The following PDE4B variants were observed in gnomAD, a reference collection of about 807,000 sequenced individuals.
PDE4B encodes phosphodiesterase 4B.
A neutral mutation model predicts 82.2 loss-of-function variants in PDE4B; 20 were observed. That is an observed-to-expected ratio of 0.24 (90% CI 0.17 to 0.35). The LOEUF (loss-of-function observed/expected upper bound fraction) is 0.35, where lower values mean the gene tolerates loss of function less well. Among genes scored for constraint, PDE4B ranks in the 10% least tolerant of loss-of-function variants. PDE4B has a pLI of 1.00. For synonymous variants in PDE4B, 320 were observed against 318.9 expected (o/e 1.00, Z -0.04); for missense variants, 655 against 907.2 (o/e 0.72, Z 3.57).
intron 3 of PDE4B, among the ~76,000 whole-genome samples, chr1:66,134,089 C>A (rs12063136): frequency 0.017 from 2,510 of 151,016 alleles, 63 homozygotes; most frequent in African/African-American, 0.058. Context: ...AGAGTGGAAT[C>A]TTTTCTAAGA....
intron 3 of PDE4B, among the ~76,000 whole-genome samples, chr1:66,021,919 C>T (rs115953077): frequency 0.021 from 3,215 of 152,280 alleles, 115 homozygotes; most frequent in African/African-American, 0.073. Context: ...GCTATTTTCA[C>T]AGTATTGATA....
At chr1:66,369,975 C>T (rs773586044) in intron 16 of PDE4B, among the ~76,000 whole-genome samples, 19 of 151,694 alleles carry the variant, frequency 1.3e-4, no homozygotes, top group Non-Finnish European at 2.7e-4. Context: ...TGGTGAAACC[C>T]TGTCTCTACC....
At chr1:65,799,555 A>G (rs932189198) in intron 1 of PDE4B, among the ~76,000 whole-genome samples, 1 of 152,184 alleles carries the variant, frequency 6.6e-6, no homozygotes, top group Non-Finnish European at 1.5e-5. Context: ...TTCCTAGGAA[A>G]GACCTCCAGA....
At chr1:66,369,004 C>G (rs1483813421) in intron 16 of PDE4B, 35 bp downstream of exon 16, 1 of 1,518,156 alleles carries the variant, frequency 6.6e-7, no homozygotes, top group South Asian at 1.2e-5. Flanking sequence ...TTTTTGTGAG[C>G]TCTGCTGATT....
intron 3 of PDE4B, among the ~76,000 whole-genome samples, chr1:66,229,023 T>C (rs971987040): frequency 6.6e-6 from 1 of 151,940 alleles, no homozygotes; most frequent in Non-Finnish European, 1.5e-5. Flanking sequence ...GAGGCTTTTT[T>C]TTGAGATGGA....
At chr1:65,901,118 G>A (rs184670808) in intron 1 of PDE4B, among the ~76,000 whole-genome samples, 2 of 151,986 alleles carry the variant, frequency 1.3e-5, no homozygotes, top group Admixed American at 1.3e-4. Context: ...ATTATTTTGA[G>A]GGTATGTTTC....
intron 3 of PDE4B, among the ~76,000 whole-genome samples, chr1:65,937,246 A>G (rs1303284428): frequency 6.6e-6 from 1 of 152,122 alleles, no homozygotes; most frequent in Non-Finnish European, 1.5e-5. Context: ...CACTGTCTCA[A>G]CGTTCACCTC....
intron 3 of PDE4B, among the ~76,000 whole-genome samples, chr1:66,019,507 T>C (rs1056662129): frequency 2.0e-5 from 3 of 151,642 alleles, no homozygotes; most frequent in African/African-American, 7.3e-5. Context: ...AGGTGTGCAT[T>C]GAAATGCCTG....
chr1:65,929,311 G>A (rs899984185), intron 3 of PDE4B, among the ~76,000 whole-genome samples: 3 of 152,190 alleles, frequency 2.0e-5, no homozygotes, highest in Non-Finnish European at 2.9e-5. Flanking sequence ...CACTACTGGG[G>A]ATGGGGAAGC....
chr1:66,272,850 G>A (rs1000784992), intron 7 of PDE4B, among the ~76,000 whole-genome samples: 16 of 141,432 alleles, frequency 1.1e-4, no homozygotes, highest in Non-Finnish European at 1.8e-4. Context: ...GTGCAATGGC[G>A]CACAATCTTG....
intron 3 of PDE4B, among the ~76,000 whole-genome samples, chr1:66,241,737 CT>C (rs201653284): frequency 0.012 from 1,765 of 152,282 alleles, 11 homozygotes; most frequent in Non-Finnish European, 0.019. Flanking sequence ...CACACACACT[CT>C]ATACAGAAAC....
At chr1:66,172,777 CATTAT>C (rs1646861792) in intron 3 of PDE4B, among the ~76,000 whole-genome samples, 1 of 151,070 alleles carries the variant, frequency 6.6e-6, no homozygotes, top group Non-Finnish European at 1.5e-5. Flanking sequence ...CTCATCTTCA[CATTAT>C]GTATTATGTA....
At chr1:66,171,902 G>T (rs972269076) in intron 3 of PDE4B, among the ~76,000 whole-genome samples, 2 of 152,122 alleles carry the variant, frequency 1.3e-5, no homozygotes, top group Admixed American at 1.3e-4. Flanking sequence ...AGTACTTAGC[G>T]CAGGACCTTG....
In PDE4B at chr1:66,361,810, G is replaced by A; in HGVS notation, c.1020+17G>A. 1 of 1,597,660 alleles carries A rather than the reference G, an allele frequency of 6.3e-7. No homozygotes were observed. ...CTGGCCAAGGTGTGTATAAGCTCAG[G>A]TTTTGTGCATGTAGCTCTCTGCTTT... On this transcript the variant is annotated intron_variant, in intron 10 of 16. Coordinates refer to ENST00000341517, the MANE Select transcript of PDE4B (RefSeq NM_002600.4).
chr1:65,966,400 G>A (rs1232657377), intron 3 of PDE4B, among the ~76,000 whole-genome samples: 2 of 152,076 alleles, frequency 1.3e-5, no homozygotes, highest in Admixed American at 6.5e-5. Flanking sequence ...AATAAGAGGG[G>A]ACAAAAACAA....
intron 3 of PDE4B, among the ~76,000 whole-genome samples, chr1:66,038,889 T>A (rs1654204806): frequency 6.6e-6 from 1 of 152,162 alleles, no homozygotes; most frequent in Non-Finnish European, 1.5e-5. Context: ...ATGTTTTCTG[T>A]TTTCGTGACA....
chr1:66,048,887 A>G (rs1037640502), intron 3 of PDE4B: 9 of 151,990 alleles, frequency 5.9e-5, no homozygotes, highest in African/African-American at 2.2e-4. Flanking sequence ...GATGAAGTGA[A>G]GAGGTAAGTG....
At chr1:66,147,423 C>G (rs144619131) in intron 3 of PDE4B, among the ~76,000 whole-genome samples, 104 of 152,292 alleles carry the variant, frequency 6.8e-4, no homozygotes, top group African/African-American at 2.4e-3. Context: ...GAAAGGGAAC[C>G]TGAACCATGT....
chr1:66,163,590 A>G (rs1485163904), intron 3 of PDE4B, among the ~76,000 whole-genome samples: 1 of 151,668 alleles, frequency 6.6e-6, no homozygotes, highest in Non-Finnish European at 1.5e-5. Context: ...TTAGAAATAA[A>G]TTTTCAAATG....
Sources: allele counts gnomAD v4.1 joint callset (sites outside exome capture counted in the v4.1 genomes callset), GRCh38; gene constraint gnomAD v4.1.1; transcripts MANE v1.5; gene names NCBI Gene and HGNC (gene_info 2026-07-23, HGNC 2026-07-21).